The following ADGRV1 variants were observed in gnomAD, a reference collection of about 807,000 sequenced individuals.
The protein encoded by ADGRV1 is G-protein coupled receptor 98.
ADGRV1 carries 359 observed loss-of-function variants against 596.2 expected under a neutral mutation model. The ratio of observed to expected loss-of-function variants is 0.60; its 90% confidence interval spans 0.55 to 0.66. The LOEUF (loss-of-function observed/expected upper bound fraction) is 0.66, where lower values mean the gene tolerates loss of function less well. ADGRV1 is among the 30% of genes least tolerant of loss of function. ADGRV1 has a pLI of 0.00. For synonymous variants in ADGRV1, 2,681 were observed against 2,679.2 expected (o/e 1.00, Z -0.02); for missense variants, 7,274 against 7,575.6 (o/e 0.96, Z 1.48).
intron 74 of ADGRV1, among the ~76,000 whole-genome samples, chr5:90,811,969 C>G (rs1762480985): frequency 6.7e-6 from 1 of 148,238 alleles, no homozygotes; most frequent in East Asian, 2.0e-4. Context: ...TGCTCTGTTG[C>G]CCAGGCTGTA....
intron 55 of ADGRV1, 46 bp downstream of exon 55, chr5:90,755,231 C>T (rs758863475): frequency 7.0e-6 from 9 of 1,286,806 alleles, no homozygotes; most frequent in Non-Finnish European, 3.2e-6. Context: ...GAGGAAAATT[C>T]TCTTAAGTAA....
intron 85 of ADGRV1, among the ~76,000 whole-genome samples, chr5:91,060,224 CTTGT>C (rs1266761571): frequency 2.6e-5 from 4 of 151,650 alleles, no homozygotes; most frequent in South Asian, 4.2e-4. Flanking sequence ...GGTTCTTTTG[CTTGT>C]TTGTTTGTTT....
intron 39 of ADGRV1, among the ~76,000 whole-genome samples, chr5:90,710,081 G>A (rs1295793177): frequency 6.6e-6 from 1 of 152,146 alleles, no homozygotes; most frequent in Non-Finnish European, 1.5e-5. Context: ...TTGTCTGATG[G>A]ATGCAAACCC....
intron 52 of ADGRV1, 88 bp from the exon 53 acceptor site, chr5:90,750,463 T>G: frequency 8.8e-7 from 1 of 1,135,990 alleles, no homozygotes; most frequent in Non-Finnish European, 1.3e-6. Context: ...CCACAAAGTT[T>G]GCAAATCCAT....
At position 90,783,019 on chromosome 5, in the gene ADGRV1, G is replaced by A. The variant is rs1759023684; in HGVS notation, c.13232-105G>A. On this transcript the variant is annotated intron_variant, in intron 65 of 89. Transcript: ENST00000405460. ...TAAAAGAACTATGAAAACATAGAGT[G>A]CTTACTTTGTGCCATTATGTTTAAT... is the stretch of plus-strand genomic sequence containing the variant. 1.1e-5 allele frequency: 9 copies of A among 830,826 alleles called. No individual in the cohort carries two copies. In the South Asian group the frequency reaches 1.4e-4, roughly 13 times the overall value. The allele number at this position is 830,826 out of a possible 1,614,324, so 51.5% of individuals were successfully genotyped here.
intron 83 of ADGRV1, among the ~76,000 whole-genome samples, chr5:90,901,771 G>A (rs914661901): frequency 6.6e-6 from 1 of 152,040 alleles, no homozygotes; most frequent in Non-Finnish European, 1.5e-5. Context: ...TTCAACTGAC[G>A]TCAACTTCTT....
chr5:90,889,123 A>G (rs894743739), intron 83 of ADGRV1, among the ~76,000 whole-genome samples: 1 of 152,124 alleles, frequency 6.6e-6, no homozygotes, highest in African/African-American at 2.4e-5. Flanking sequence ...GCATTTTTTC[A>G]AGAGCTAACA....
intron 83 of ADGRV1, among the ~76,000 whole-genome samples, chr5:90,915,558 G>A (rs1773274478): frequency 6.6e-6 from 1 of 152,062 alleles, no homozygotes; most frequent in Non-Finnish European, 1.5e-5. Flanking sequence ...GGCAAAAGGA[G>A]TCTGCAAAAA....
Position 90,558,843 on chromosome 5 carries a change from G to T in ADGRV1, c.-53G>T. On this transcript the variant is annotated 5_prime_UTR_variant, in exon 1 of 90. Coordinates refer to ENST00000405460, the MANE Select transcript of ADGRV1 (RefSeq NM_032119.4). ...GGGCAAGGAGTACGGACGGGAGTCA[G>T]AGGCAGAGCGAGGGTGTGTGGAGGG... is the stretch of plus-strand genomic sequence containing the variant. 6.5e-7 allele frequency: 1 copy of T among 1,549,846 alleles called. No homozygotes were observed.
At chr5:90,858,154 A>C (rs1419799203) in intron 82 of ADGRV1, among the ~76,000 whole-genome samples, 1 of 152,234 alleles carries the variant, frequency 6.6e-6, no homozygotes, top group Non-Finnish European at 1.5e-5. Flanking sequence ...AGAAAATTAA[A>C]CTAAGATCAT....
chr5:90,853,923 A>G (rs1179284307), intron 80 of ADGRV1, 139 bp from the exon 81 acceptor site: 10 of 672,094 alleles, frequency 1.5e-5, no homozygotes, highest in South Asian at 9.5e-5. Flanking sequence ...TCCTGCATGC[A>G]TAAGTGAGCT....
intron 84 of ADGRV1, among the ~76,000 whole-genome samples, chr5:90,969,220 G>A (rs780945979): frequency 2.0e-5 from 3 of 152,150 alleles, no homozygotes; most frequent in Non-Finnish European, 4.4e-5. Flanking sequence ...TGTATAGAAT[G>A]AACTTGAAAT....
At chr5:91,059,480 T>G (rs1230537132) in intron 85 of ADGRV1, among the ~76,000 whole-genome samples, 1 of 152,214 alleles carries the variant, frequency 6.6e-6, no homozygotes, top group African/African-American at 2.4e-5. Context: ...CATTTTCTTT[T>G]GAGAAGCTTC....
chr5:91,049,075 AAT>A (rs1272040421), intron 85 of ADGRV1, among the ~76,000 whole-genome samples: 15 of 152,086 alleles, frequency 9.9e-5, no homozygotes, highest in Admixed American at 7.9e-4. Context: ...AAAAAAAAAA[AAT>A]AAACCAAGAC....
At chr5:90,878,776 G>A (rs959869603) in intron 83 of ADGRV1, among the ~76,000 whole-genome samples, 6 of 152,184 alleles carry the variant, frequency 3.9e-5, no homozygotes, top group African/African-American at 1.4e-4. Context: ...GGCAAATCAA[G>A]GAGGTATGAA....
chr5:91,001,945 A>C (rs1339209232), intron 85 of ADGRV1, among the ~76,000 whole-genome samples: 1 of 152,162 alleles, frequency 6.6e-6, no homozygotes, highest in Admixed American at 6.5e-5. Context: ...TAAATATTGT[A>C]ACATTATTTT....
Position 90,757,035 on chromosome 5 carries a change from A to G in ADGRV1, c.11814A>G (p.Gln3938=). 1 of 1,613,828 alleles carries G rather than the reference A, an allele frequency of 6.2e-7. No individual in the cohort carries two copies. The highest frequency in any genetic ancestry group is 8.5e-7 in the Non-Finnish European group (1 of 1,179,784). Residue 3938 remains glutamine, a synonymous_variant, in exon 57 of 90, where the codon CAA becomes CAG. Coordinates refer to ENST00000405460, the MANE Select transcript of ADGRV1 (RefSeq NM_032119.4). ...TGCCTCCACCCTTGAACGTTCTTCA[A>G]GTTCCTGTAGTCCGGCTGGCTGGAA... is the stretch of plus-strand genomic sequence containing the variant. ...YEVPPPLNVL[Q]VPVVRLAGSF...
At chr5:90,627,026 C>A (rs1430804759) in intron 6 of ADGRV1, among the ~76,000 whole-genome samples, 185 bp from the exon 7 acceptor site, 1 of 152,160 alleles carries the variant, frequency 6.6e-6, no homozygotes, top group Non-Finnish European at 1.5e-5. Context: ...GTGTAAAATA[C>A]ATTATTTACC....
At chr5:91,108,841 C>T (rs1792121507) in intron 87 of ADGRV1, among the ~76,000 whole-genome samples, 1 of 152,130 alleles carries the variant, frequency 6.6e-6, no homozygotes, top group Admixed American at 6.6e-5. Flanking sequence ...GAGTGATCCT[C>T]CCACCTCAGC....
Sources: gnomAD v4.1 joint callset for allele counts (sites outside exome capture counted in the v4.1 genomes callset) on GRCh38, gnomAD v4.1.1 for gene constraint, MANE v1.5 for transcripts, NCBI Gene and HGNC (gene_info 2026-07-23, HGNC 2026-07-21) for gene names.